Variants in TOX4 observed in about 807,000 individuals in gnomAD.
The protein encoded by TOX4 is TOX high mobility group box family member 4.
TOX4 carries 12 observed loss-of-function variants against 61.0 expected under a neutral mutation model. That is an observed-to-expected ratio of 0.20 (90% CI 0.13 to 0.32). The LOEUF (loss-of-function observed/expected upper bound fraction) is 0.32. TOX4 is among the 10% of genes least tolerant of loss of function. The pLI is 1.00. For missense variants in TOX4, 499 were observed against 753.3 expected (o/e 0.66, Z 3.95); for synonymous variants, 268 against 274.8 (o/e 0.98, Z 0.24).
At position 21,490,193 on chromosome 14, in the gene TOX4, A is replaced by G. The variant is rs574649497; in HGVS notation, c.810+790A>G. 2.0e-5 allele frequency among the ~76,000 whole-genome samples: 3 copies of G among 151,680 alleles called. No individual in the cohort carries two copies. In the East Asian group the frequency reaches 5.9e-4, roughly 30 times the overall value. ...CTCAAATAAATAAATAATAATTGTT[A>G]TAGGCCGGGCGCGGTGGCTCACGCC... On this transcript the variant is annotated intron_variant, in intron 5 of 8. Transcript: ENST00000448790.
Position 21,487,447 on chromosome 14 carries a change from A to G in TOX4, c.76-4A>G, listed in dbSNP as rs750136291. On this transcript the variant is annotated splice_region_variant and splice_polypyrimidine_tract_variant and intron_variant, in intron 2 of 8. Transcript: ENST00000448790. ...AATTCTTTTCCCCCTTTTTTCCCCT[A>G]CAGACATTCCATACACCAAGCTTGG... 6.2e-7 allele frequency: 1 copy of G among 1,612,350 alleles called. No individual in the cohort carries two copies. The highest frequency in any genetic ancestry group is 1.1e-5 in the South Asian group (1 of 90,994).
Position 21,489,169 on chromosome 14 carries a change from A to T in TOX4, c.580-4A>T, listed in dbSNP as rs769046640. ...TGTAATTCTCTCTTTTTTCTCTCCT[A>T]CAGCAACTTCCCAGCCAGAAGACAG... On this transcript the variant is annotated splice_polypyrimidine_tract_variant and splice_region_variant and intron_variant, in intron 4 of 8. Coordinates refer to ENST00000448790, the MANE Select transcript of TOX4 (RefSeq NM_014828.4). 4.3e-6 allele frequency: 7 copies of T among 1,611,386 alleles called. No homozygotes were observed. The highest frequency in any genetic ancestry group is 5.9e-6 in the Non-Finnish European group (7 of 1,179,318).
Position 21,498,957 on chromosome 14 carries a change from T to C in TOX4, c.*2351T>C. The C allele has an allele frequency of 9.4e-7, 1 of 1,069,518 alleles. No homozygotes were observed. Among genetic ancestry groups the C allele is most frequent in the Non-Finnish European group, 1.5e-6 (1 of 689,128 alleles). The allele number at this position is 1,069,518 out of a possible 1,614,324, so 66.3% of individuals were successfully genotyped here. A position where few individuals can be genotyped will look rare whatever the true frequency, so the allele number is the denominator to read the frequency against. The stretch of plus-strand genomic sequence containing the variant: ...ACTAGTGTAAAACAATGTGAAGCTC[T>C]ACTAAGTTCTGTCCTTAATCATAAA... On this transcript the variant is annotated 3_prime_UTR_variant, in exon 9 of 9. Coordinates refer to ENST00000448790, the MANE Select transcript of TOX4 (RefSeq NM_014828.4).
intron 5 of TOX4, among the ~76,000 whole-genome samples, chr14:21,491,366 A>G (rs1484427872): frequency 1.3e-5 from 2 of 151,604 alleles, no homozygotes. Context: ...GTATTTATTT[A>G]TTTATTTTTT....
At position 21,489,394 on chromosome 14, in the gene TOX4, G is replaced by T; in HGVS notation, c.801G>T (p.Glu267Asp). The T allele has an allele frequency of 1.9e-6, 3 of 1,609,110 alleles. 1 individual carries two copies. In the South Asian group the frequency reaches 3.3e-5, roughly 18 times the overall value. ...CCATGTGGGATAGTCTTGGAGAGGA[G>T]CAAAAACAGGTGAGCAAATATTGAG... is the stretch of plus-strand genomic sequence containing the variant. ...VASMWDSLGEEQKQVYKRKTE... is the reference protein window; with the variant it reads ...VASMWDSLGEDQKQVYKRKTE... Residue 267 changes from glutamate (E) to aspartate (D), a missense_variant, in exon 5 of 9, where the codon GAG becomes GAT. Physicochemically the swap from Glu to Asp is conservative, Grantham distance 45. This residue lies in a region of TOX4 where 15 missense variants were observed against 80.2 expected (regional missense o/e 0.19). Transcript: ENST00000448790.
At chr14:21,486,454 G>A (rs1891191055) in intron 2 of TOX4, among the ~76,000 whole-genome samples, 1 of 39,272 alleles carries the variant, frequency 2.5e-5, no homozygotes. Context: ...TTTTATGCAT[G>A]AAATCTCACT....
rs1891316609 is a variant in TOX4, at chr14:21,492,663, C to T, written c.1047C>T (p.Ser349=). Residue 349 remains serine, a synonymous_variant, in exon 7 of 9, where the codon TCC becomes TCT. Transcript: ENST00000448790. ...PSIVVNSTLS[S]YVANQASSGA... is the part of the protein sequence containing the mutation. ...TTGTTGTTAACTCCACCCTTTCATC[C>T]TATGTGGCAAACCAGGCATCTTCTG... The T allele has an allele frequency of 6.2e-7, 1 of 1,613,882 alleles. No homozygotes were observed. Among genetic ancestry groups the T allele is most frequent in the African/African-American group, 1.3e-5 (1 of 74,902 alleles).
Position 21,487,653 on chromosome 14 carries a change from T to C in TOX4, c.278T>C (p.Met93Thr). ...DMPVGMTHGL[M>T]EQGGGLLSGG... Reference sequence around the variant, plus strand: ...CCTGTGGGCATGACCCATGGCTTGATGGAGCAGGGCGGGGGGCTCCTGAGT... The same window carrying C: ...CCTGTGGGCATGACCCATGGCTTGACGGAGCAGGGCGGGGGGCTCCTGAGT... The change falls in exon 3 of 9, where the codon ATG becomes ACG. Residue 93 changes from methionine to threonine, a missense_variant. Met to Thr is a moderately conservative substitution (Grantham distance 81, BLOSUM62 -1). Around this residue, in one of 7 missense-constraint regions of TOX4, gnomAD observed 90 missense variants for 109.5 expected, o/e 0.82. Transcript: ENST00000448790. 1 of 1,614,030 alleles carries C rather than the reference T, an allele frequency of 6.2e-7. No homozygotes were observed. Among genetic ancestry groups the C allele is most frequent in the Non-Finnish European group, 8.5e-7 (1 of 1,179,960 alleles).
intron 2 of TOX4, among the ~76,000 whole-genome samples, chr14:21,478,091 C>T (rs1448606106): frequency 6.6e-6 from 1 of 152,180 alleles, no homozygotes; most frequent in Non-Finnish European, 1.5e-5. Flanking sequence ...CGTGCGCCAC[C>T]ACGCTCGGCT....
intron 7 of TOX4, 126 bp downstream of exon 7, chr14:21,493,383 C>A: frequency 9.9e-7 from 1 of 1,009,116 alleles, no homozygotes. Context: ...AAACATCCTG[C>A]AGATGGGAGT....
In TOX4 at chr14:21,477,296, A is replaced by G; in HGVS notation, c.6+12A>G. 2 of 1,614,022 alleles carry G rather than the reference A, an allele frequency of 1.2e-6. No individual in the cohort carries two copies. Among genetic ancestry groups the G allele is most frequent in the Non-Finnish European group, 1.7e-6 (2 of 1,179,950 alleles). ...GTGTGAAGATGGAGGTAGGAACCTGATAGCTAAGAAGGCTGGCGAGAGAAC... is the reference window on the plus strand; with the variant it reads ...GTGTGAAGATGGAGGTAGGAACCTGGTAGCTAAGAAGGCTGGCGAGAGAAC... On this transcript the variant is annotated intron_variant, in intron 1 of 8. Coordinates refer to ENST00000448790, the MANE Select transcript of TOX4 (RefSeq NM_014828.4).
At chr14:21,483,010 A>G (rs1020053700) in intron 2 of TOX4, among the ~76,000 whole-genome samples, 2 of 152,232 alleles carry the variant, frequency 1.3e-5, no homozygotes, top group Admixed American at 1.3e-4. Context: ...GTGTATAGAA[A>G]GAATGCCTTG....
chr14:21,489,699 C>T (rs929133182), intron 5 of TOX4, among the ~76,000 whole-genome samples: 2 of 152,012 alleles, frequency 1.3e-5, no homozygotes, highest in Admixed American at 6.6e-5. Context: ...CTGCTTCAGC[C>T]TCCCGAGTAG....
rs1174190555 is a variant in TOX4, at chr14:21,497,124, G to A, written c.*518G>A. On this transcript the variant is annotated 3_prime_UTR_variant, in exon 9 of 9. Coordinates refer to ENST00000448790, the MANE Select transcript of TOX4 (RefSeq NM_014828.4). The stretch of plus-strand genomic sequence containing the variant: ...GCTACATGGAAAATGACATCACCCA[G>A]GAGTGATTTCTCTTTATATATATTA... The A allele has an allele frequency of 6.5e-6, 1 of 153,144 alleles. No homozygotes were observed. Among genetic ancestry groups the A allele is most frequent in the Non-Finnish European group, 1.5e-5 (1 of 68,746 alleles). 9.5% of individuals were successfully genotyped at this position (153,144 alleles called of 1,614,324 possible).
Position 21,495,233 on chromosome 14 carries a change from A to G in TOX4, c.1646A>G (p.Glu549Gly), listed in dbSNP as rs1281161438. Reference sequence around the variant, plus strand: ...GTACTCTTCTTCTTCTCACAGGTTGAGTCTCCTTCTCAGATGGATGTTGAA... The same window carrying G: ...GTACTCTTCTTCTTCTCACAGGTTGGGTCTCCTTCTCAGATGGATGTTGAA... ...EMITDVVPEV[E>G]SPSQMDVELV... Residue 549 changes from glutamate (E) to glycine (G), a missense_variant, in exon 8 of 9, where the codon GAG (glutamate) becomes GGG (glycine). Around this residue, in one of 7 missense-constraint regions of TOX4, gnomAD observed 296 missense variants for 404.7 expected, o/e 0.73. Coordinates refer to ENST00000448790, the MANE Select transcript of TOX4 (RefSeq NM_014828.4). 6.2e-7 allele frequency: 1 copy of G among 1,613,918 alleles called. No individual in the cohort carries two copies. Among genetic ancestry groups the G allele is most frequent in the Non-Finnish European group, 8.5e-7 (1 of 1,179,958 alleles).
At chr14:21,483,162 G>A (rs1891136199) in intron 2 of TOX4, among the ~76,000 whole-genome samples, 1 of 152,084 alleles carries the variant, frequency 6.6e-6, no homozygotes, top group Non-Finnish European at 1.5e-5. Flanking sequence ...TGGAACACTG[G>A]TCCCTTGTTT....
intron 5 of TOX4, chr14:21,492,011 A>C (rs1891301071): frequency 4.6e-6 from 1 of 217,688 alleles, no homozygotes; most frequent in Admixed American, 5.4e-5. Flanking sequence ...ACTCTGTCTC[A>C]AAAAAAATTT....
Position 21,495,276 on chromosome 14 carries a change from T to A in TOX4, c.1689T>A (p.Pro563=). The change falls in exon 8 of 9, where the codon CCT becomes CCA. Residue 563 remains proline (P), a synonymous_variant. Coordinates refer to ENST00000448790, the MANE Select transcript of TOX4 (RefSeq NM_014828.4). The part of the protein sequence containing the change: ...QMDVELVSGS[P]VALSPQPRCV... ...ATGTTGAATTGGTGAGTGGGTCTCCTGTGGCACTCTCACCCCAGCCTCGAT... is the reference window on the plus strand; with the variant it reads ...ATGTTGAATTGGTGAGTGGGTCTCCAGTGGCACTCTCACCCCAGCCTCGAT... 6.2e-7 allele frequency: 1 copy of A among 1,614,198 alleles called. No individual in the cohort carries two copies. The highest frequency in any genetic ancestry group is 8.5e-7 in the Non-Finnish European group (1 of 1,180,026).
rs1566482921 is a variant in TOX4, at chr14:21,489,155, C to G, written c.580-18C>G. 6.2e-7 allele frequency: 1 copy of G among 1,608,436 alleles called. No homozygotes were observed. The highest frequency in any genetic ancestry group is 1.3e-5 in the African/African-American group (1 of 74,438). On this transcript the variant is annotated intron_variant, in intron 4 of 8. Transcript: ENST00000448790. The stretch of plus-strand genomic sequence containing the variant: ...GTCATTGTCCATTGTGTAATTCTCT[C>G]TTTTTTCTCTCCTACAGCAACTTCC...
Sources: allele counts gnomAD v4.1 joint callset (sites outside exome capture counted in the v4.1 genomes callset), GRCh38; gene constraint gnomAD v4.1.1; regional missense constraint gnomAD v4.1.1; transcripts MANE v1.5; gene names NCBI Gene and HGNC (gene_info 2026-07-23, HGNC 2026-07-21).